LY9: variants seen among roughly 807,000 people sequenced by gnomAD.
The protein encoded by LY9 is T-lymphocyte surface antigen Ly-9.
Under a neutral mutation model 64.6 loss-of-function variants are expected in LY9, and 59 were observed. The ratio of observed to expected loss-of-function variants is 0.91; its 90% CI spans 0.74 to 1.13. The LOEUF (loss-of-function observed/expected upper bound fraction) is 1.13. LY9 is among the 50% of genes most tolerant of loss of function. LY9 has a pLI of 0.00. For missense variants in LY9, 789 were observed against 797.2 expected (o/e 0.99, Z 0.12); for synonymous variants, 281 against 308.5 (o/e 0.91, Z 0.93).
At chr1:160,823,191 C>G (rs1479506249) in intron 7 of LY9, among the ~76,000 whole-genome samples, 9 of 152,204 alleles carry the variant, frequency 5.9e-5, no homozygotes, top group African/African-American at 2.2e-4. Flanking sequence ...TGCAATGATG[C>G]TTGGCATGGT....
At chr1:160,817,467 GA>G (rs1209680477) in intron 5 of LY9, among the ~76,000 whole-genome samples, 1 of 152,208 alleles carries the variant, frequency 6.6e-6, no homozygotes, top group African/African-American at 2.4e-5. Flanking sequence ...GAACAGCACA[GA>G]GTTACAGGCT....
chr1:160,819,874 A>T (rs1406082046), intron 7 of LY9, among the ~76,000 whole-genome samples: 1 of 64,998 alleles, frequency 1.5e-5, no homozygotes, highest in Non-Finnish European at 3.1e-5. Flanking sequence ...GGAGGGAGGG[A>T]GGGAGGGAAT....
chr1:160,798,612 A>G (rs929807215), intron 1 of LY9, among the ~76,000 whole-genome samples: 1 of 152,082 alleles, frequency 6.6e-6, no homozygotes, highest in Non-Finnish European at 1.5e-5. Flanking sequence ...TGCATGCTCC[A>G]TAGCTGCCTC....
chr1:160,818,925 CACT>C (rs752346539), intron 6 of LY9, among the ~76,000 whole-genome samples: 4 of 152,230 alleles, frequency 2.6e-5, no homozygotes, highest in Non-Finnish European at 5.9e-5. Flanking sequence ...CAAGAAGATA[CACT>C]ATTATGATTG....
At chr1:160,796,714 T>C (rs1283031455) in intron 1 of LY9, among the ~76,000 whole-genome samples, 1 of 152,200 alleles carries the variant, frequency 6.6e-6, no homozygotes, top group Non-Finnish European at 1.5e-5. Flanking sequence ...CTCATCTCCT[T>C]GCCAGAAATT....
intron 4 of LY9, 130 bp from the exon 5 acceptor site, chr1:160,816,464 G>A: frequency 9.8e-7 from 1 of 1,022,504 alleles, no homozygotes; most frequent in South Asian, 1.7e-5. Flanking sequence ...CAAAATTCCT[G>A]TGGCTCCTGG....
intron 2 of LY9, 101 bp downstream of exon 2, chr1:160,800,183 C>T (rs192015113): frequency 6.0e-6 from 5 of 833,406 alleles, no homozygotes; most frequent in Non-Finnish European, 9.5e-6. Context: ...ATAGTGCATA[C>T]TGATCAAGTC....
intron 6 of LY9, among the ~76,000 whole-genome samples, chr1:160,819,057 A>C (rs1475575777): frequency 1.3e-5 from 2 of 152,138 alleles, no homozygotes; most frequent in Admixed American, 1.3e-4. Context: ...AACTACTCTG[A>C]TCAGTGGCTA....
intron 9 of LY9, chr1:160,824,715 C>G: frequency 1.1e-6 from 1 of 940,296 alleles, no homozygotes; most frequent in Non-Finnish European, 1.3e-6. Flanking sequence ...CGCGGTGGCT[C>G]ATACCTGTAA....
intron 7 of LY9, among the ~76,000 whole-genome samples, chr1:160,823,081 G>A (rs1221090108): frequency 6.6e-6 from 1 of 152,082 alleles, no homozygotes; most frequent in Non-Finnish European, 1.5e-5. Flanking sequence ...GGCAAAGCTG[G>A]CCTTACATTA....
chr1:160,799,874 T>A lies in LY9; in HGVS notation c.246T>A (p.Gly82=). 2 of 1,614,170 alleles carry A rather than the reference T, an allele frequency of 1.2e-6. No homozygotes were observed. The highest frequency in any genetic ancestry group is 1.7e-6 in the Non-Finnish European group (2 of 1,180,034). ...DTEIENVIWI[G]PKNALAFARP... ...AGATTGAGAACGTCATCTGGATTGG[T>A]CCCAAAAATGCTCTTGCTTTCGCAC... The change falls in exon 2 of 10, where the codon GGT becomes GGA. Residue 82 remains glycine (G), a synonymous_variant. Coordinates refer to ENST00000263285, the MANE Select transcript of LY9 (RefSeq NM_002348.4).
intron 2 of LY9, among the ~76,000 whole-genome samples, chr1:160,808,168 A>G (rs570749527): frequency 6.6e-6 from 1 of 152,316 alleles, no homozygotes; most frequent in African/African-American, 2.4e-5. Flanking sequence ...TTGCAGCAGC[A>G]GCTCACAGCC....
chr1:160,823,430 G>T, intron 7 of LY9, 35 bp from the exon 8 acceptor site: 1 of 1,523,040 alleles, frequency 6.6e-7, no homozygotes, highest in Non-Finnish European at 9.0e-7. Flanking sequence ...GGTGGGGTTG[G>T]CATACTTTTA....
At chr1:160,809,629 T>A (rs1055339335) in intron 2 of LY9, 3 of 151,906 alleles carry the variant, frequency 2.0e-5, no homozygotes, top group Non-Finnish European at 4.4e-5. Context: ...CCAAAGAAGC[T>A]GGTATTACAG....
In LY9 at chr1:160,796,211, A is replaced by T; in HGVS notation, c.24A>T (p.Thr8=). 6.2e-7 allele frequency: 1 copy of T among 1,614,192 alleles called. No individual in the cohort carries two copies. The highest frequency in any genetic ancestry group is 8.5e-7 in the Non-Finnish European group (1 of 1,180,022). MVAPKSH[T]DDWAPGPFSS... ...TCATGGTGGCACCAAAGAGTCACAC[A>T]GATGACTGGGCTCCTGGGCCTTTCT... The change falls in exon 1 of 10, where the codon ACA becomes ACT. Residue 8 remains threonine, a synonymous_variant. Coordinates refer to ENST00000263285, the MANE Select transcript of LY9 (RefSeq NM_002348.4).
At chr1:160,822,661 T>A (rs1342113856) in intron 7 of LY9, among the ~76,000 whole-genome samples, 4 of 152,180 alleles carry the variant, frequency 2.6e-5, no homozygotes, top group Non-Finnish European at 5.9e-5. Context: ...TTAACTCCTG[T>A]ATCAAAATGG....
chr1:160,796,655 T>A (rs1345516629), intron 1 of LY9, among the ~76,000 whole-genome samples: 1 of 152,176 alleles, frequency 6.6e-6, no homozygotes, highest in Non-Finnish European at 1.5e-5. Context: ...CCACCTGAAG[T>A]GCTGGGATTA....
intron 2 of LY9, among the ~76,000 whole-genome samples, chr1:160,803,278 G>A (rs559050162): frequency 6.4e-5 from 9 of 139,770 alleles, no homozygotes; most frequent in African/African-American, 2.3e-4. Context: ...TGAAAACCGT[G>A]TCTAAAAAAA....
At chr1:160,811,645 C>T (rs908374237) in intron 2 of LY9, 15 of 152,164 alleles carry the variant, frequency 9.9e-5, no homozygotes, top group African/African-American at 3.4e-4. Context: ...ACAACGTGGC[C>T]GAGTTCTTTG....
Sources: gnomAD v4.1 joint callset for allele counts (sites outside exome capture counted in the v4.1 genomes callset) on GRCh38, gnomAD v4.1.1 for gene constraint, MANE v1.5 for transcripts, NCBI Gene and HGNC (gene_info 2026-07-23, HGNC 2026-07-21) for gene names.